Variants in TKTL1 observed in about 807,000 individuals in gnomAD.
TKTL1 encodes transketolase like 1.
Under a neutral mutation model 39.3 loss-of-function variants are expected in TKTL1, and 1 was observed. That is an observed-to-expected ratio of 0.03 (90% CI 0.01 to 0.12). The LOEUF (loss-of-function observed/expected upper bound fraction) is 0.12, where lower values mean the gene tolerates loss of function less well. TKTL1 is among the 10% of genes least tolerant of loss of function. The probability of loss-of-function intolerance (pLI) is 1.00; values close to 1 mark genes in which losing one functional copy is unlikely to be tolerated. For synonymous variants in TKTL1, 262 were observed against 193.8 expected (o/e 1.35, Z -2.92); for missense variants, 575 against 509.6 (o/e 1.13, Z -1.24).
chrX:154,296,434 C>T (rs1355944823), intron 1 of TKTL1, among the ~76,000 whole-genome samples: 10 of 110,904 alleles, frequency 9.0e-5, no homozygotes, highest in African/African-American at 3.0e-4. Flanking sequence ...CGACTCTAAC[C>T]CAGGATGTGA....
chrX:154,303,371 C>G (rs1490873216), intron 1 of TKTL1, among the ~76,000 whole-genome samples: 1 of 95,049 alleles, frequency 1.1e-5, no homozygotes, highest in Admixed American at 1.2e-4. Context: ...TGCCACCCTG[C>G]CCAGCTAATT....
chrX:154,328,765 C>T (rs992017112), intron 12 of TKTL1, among the ~76,000 whole-genome samples: 2 of 109,694 alleles, frequency 1.8e-5, no homozygotes, highest in Non-Finnish European at 3.8e-5. Context: ...CCTGCACAAG[C>T]GGTGCCTGAT....
chrX:154,314,204 T>C (rs1454811163), intron 6 of TKTL1, among the ~76,000 whole-genome samples: 2 of 111,531 alleles, frequency 1.8e-5, no homozygotes, highest in Admixed American at 1.9e-4. Flanking sequence ...CTAAACTGTT[T>C]CAAATTTTTC....
chrX:154,297,797 C>T (rs782507388), intron 1 of TKTL1, among the ~76,000 whole-genome samples: 174 of 110,796 alleles, frequency 1.6e-3, no homozygotes, highest in African/African-American at 5.6e-3. Context: ...ATTAGCTGGG[C>T]GTGGTGGCAC....
At chrX:154,298,488 G>T (rs1379595193) in intron 1 of TKTL1, among the ~76,000 whole-genome samples, 1 of 112,216 alleles carries the variant, frequency 8.9e-6, no homozygotes, top group African/African-American at 3.2e-5. Flanking sequence ...GAGGCAGCTG[G>T]ATCACTTGAG....
chrX:154,322,376 A>G (rs1226903121), intron 8 of TKTL1, among the ~76,000 whole-genome samples: 2 of 110,123 alleles, frequency 1.8e-5, no homozygotes, highest in Admixed American at 1.9e-4. Flanking sequence ...TACTAAAAAT[A>G]CAAAACTTAG....
chrX:154,309,280 C>A, intron 2 of TKTL1, 65 bp from the exon 3 acceptor site: 1 of 945,937 alleles, frequency 1.1e-6, no homozygotes, highest in Non-Finnish European at 1.5e-6. Context: ...GCACTCAGTG[C>A]GTGAGTCCAC....
chrX:154,320,574 G>A (rs1272074189), intron 7 of TKTL1, 183 bp from the exon 8 acceptor site: 11 of 470,398 alleles, frequency 2.3e-5, no homozygotes, highest in African/African-American at 7.2e-5. Flanking sequence ...TGAGGGCGCC[G>A]TCTGAGCAGG....
intron 2 of TKTL1, among the ~76,000 whole-genome samples, chrX:154,309,114 C>G (rs1557167751): frequency 9.0e-6 from 1 of 111,188 alleles, no homozygotes; most frequent in Non-Finnish European, 1.9e-5. Flanking sequence ...ACCTGAGTTT[C>G]CAGCCCAGGC....
rs782030512 is a variant in TKTL1 at position 154,320,851 on chromosome X, G to A, written c.1124G>A (p.Arg375Gln). ...AFLTRAFDHI[R>Q]IGGLAESNIN... ...CTGACTCGAGCATTTGATCACATCC[G>A]GATAGGAGGCCTCGCTGAGAGCAAC... Residue 375 changes from arginine (R) to glutamine (Q), a missense_variant, in exon 8 of 13, where the codon CGG (arginine) becomes CAG (glutamine). Transcript: ENST00000369915. 1.7e-5 allele frequency: 20 copies of A among 1,209,283 alleles called. No individual in the cohort carries two copies. The highest frequency in any genetic ancestry group is 4.4e-5 in the Admixed American group (2 of 45,768).
In TKTL1 at chrX:154,327,976, G is replaced by A. The variant is rs1557172362; in HGVS notation, c.1618+18G>A. On this transcript the variant is annotated intron_variant, in intron 12 of 12. Transcript: ENST00000369915. The stretch of plus-strand genomic sequence containing the variant: ...CCCGCAAGGTGTGTGTGGGCATTGA[G>A]AATGCTTTGGAAGGTTTTGGTGTTT... The A allele has an allele frequency of 2.5e-6, 3 of 1,210,300 alleles. No individual in the cohort carries two copies. Among genetic ancestry groups the A allele is most frequent in the South Asian group, 3.5e-5 (2 of 56,757 alleles).
At chrX:154,309,475 C>T (rs782730567) in intron 3 of TKTL1, 33 bp downstream of exon 3, 16 of 1,103,295 alleles carry the variant, frequency 1.5e-5, no homozygotes, top group South Asian at 3.7e-5. Context: ...ATTTAACTGC[C>T]CTACATCTAC....
chrX:154,318,957 A>T (rs782258607), intron 7 of TKTL1, among the ~76,000 whole-genome samples: 3 of 111,755 alleles, frequency 2.7e-5, no homozygotes, highest in South Asian at 7.3e-4. Flanking sequence ...ATAGGTTTTT[A>T]AAAAATTATA....
At chrX:154,309,611 C>G (rs781836040) in intron 3 of TKTL1, among the ~76,000 whole-genome samples, 169 bp downstream of exon 3, 1 of 111,129 alleles carries the variant, frequency 9.0e-6, no homozygotes, top group African/African-American at 3.3e-5. Context: ...TTTTCCCCAC[C>G]TCGGGCGGCT....
Position 154,320,680 on chromosome X carries a change from TATC to T in TKTL1, c.1030-74_1030-72del, listed in dbSNP as rs1317558569. 2.3e-5 allele frequency: 24 copies of T among 1,024,671 alleles called. 1 individual carries two copies. The highest frequency in any genetic ancestry group is 1.3e-4 in the South Asian group (7 of 51,930). 84.4% of individuals were successfully genotyped at this position (1,024,671 alleles called of 1,213,427 possible). ...AGTTCAGCAGGTGCAGAATGGGAGT[TATC>T]ATGGGGACTGTGGGAGAAGGGGCGG... On this transcript the variant is annotated intron_variant, in intron 7 of 12. Coordinates refer to ENST00000369915, the MANE Select transcript of TKTL1 (RefSeq NM_012253.4).
At position 154,318,978 on chromosome X, in the gene TKTL1, C is replaced by T. The variant is rs2067427407; in HGVS notation, c.1030-1779C>T. 2.7e-5 allele frequency among the ~76,000 whole-genome samples: 3 copies of T among 111,006 alleles called. No homozygotes were observed. In the Admixed American group the frequency reaches 2.9e-4, roughly 11 times the overall value. ...TTTTAAAAAATTATAATATAGGCTT[C>T]TGAGCATTAGGTTTTTTTTTCTGGA... On this transcript the variant is annotated intron_variant, in intron 7 of 12. Coordinates refer to ENST00000369915, the MANE Select transcript of TKTL1 (RefSeq NM_012253.4).
intron 9 of TKTL1, among the ~76,000 whole-genome samples, chrX:154,324,366 C>T (rs1557171518): frequency 8.9e-6 from 1 of 112,211 alleles, no homozygotes; most frequent in Non-Finnish European, 1.9e-5. Flanking sequence ...CGCAAAACTC[C>T]TGGCCTCAAG....
chrX:154,306,642 T>A (rs1412539686), intron 2 of TKTL1, among the ~76,000 whole-genome samples: 15 of 110,991 alleles, frequency 1.4e-4, no homozygotes, highest in African/African-American at 3.9e-4. Context: ...CATCTTTTTT[T>A]GTTCTTTTTT....
intron 7 of TKTL1, among the ~76,000 whole-genome samples, chrX:154,317,420 C>CT (rs1308628374): frequency 8.9e-6 from 1 of 111,757 alleles, no homozygotes; most frequent in African/African-American, 3.3e-5. Flanking sequence ...GCATGGCCAA[C>CT]TGTAGGCAGG....
Sources: gnomAD v4.1 joint callset for allele counts (sites outside exome capture counted in the v4.1 genomes callset) on GRCh38, gnomAD v4.1.1 for gene constraint, MANE v1.5 for transcripts, NCBI Gene and HGNC (gene_info 2026-07-23, HGNC 2026-07-21) for gene names.